Variants in CDH18 observed in about 807,000 individuals in gnomAD.
CDH18 encodes cadherin 18.
CDH18 carries 31 observed loss-of-function variants against 67.9 expected under a neutral mutation model. The observed-to-expected ratio is 0.46, with a 90% CI of 0.34 to 0.62. CDH18 has a LOEUF of 0.62. Among genes scored for constraint, CDH18 ranks in the 20% least tolerant of loss-of-function variants. The pLI, the probability that CDH18 is intolerant of heterozygous loss-of-function variation, is 0.01. For synonymous variants in CDH18, 362 were observed against 347.2 expected, an observed-to-expected ratio of 1.04 and a Z score of -0.48; for missense variants, 890 against 975.5, an observed-to-expected ratio of 0.91 and a Z score of 1.17.
chr5:20,572,870 A>G (rs1758889620), intron 1 of CDH18, among the ~76,000 whole-genome samples: 1 of 152,184 alleles, frequency 6.6e-6, no homozygotes, highest in African/African-American at 2.4e-5. Flanking sequence ...CAATGCAAAC[A>G]ATAGTGAGAA....
chr5:19,640,343 GA>G (rs1451849997), intron 5 of CDH18, among the ~76,000 whole-genome samples: 1 of 152,096 alleles, frequency 6.6e-6, no homozygotes, highest in East Asian at 1.9e-4. Flanking sequence ...TGTGGGTGAG[GA>G]GTAAGTGTAA....
At chr5:20,204,059 C>T (rs1407954479) in intron 2 of CDH18, among the ~76,000 whole-genome samples, 1 of 151,848 alleles carries the variant, frequency 6.6e-6, no homozygotes, top group Admixed American at 6.6e-5. Context: ...GGCAACTGAG[C>T]AATAGTGAGG....
intron 8 of CDH18, among the ~76,000 whole-genome samples, chr5:19,551,756 G>C (rs445021): frequency 0.85 from 130,030 of 152,090 alleles, 55,864 homozygotes; most frequent in Non-Finnish European, 0.91. Flanking sequence ...ACTATAAACA[G>C]AGTGGGTTAT....
intron 11 of CDH18, among the ~76,000 whole-genome samples, chr5:19,496,043 T>C (rs1299646949): frequency 6.6e-6 from 1 of 152,154 alleles, no homozygotes; most frequent in Non-Finnish European, 1.5e-5. Flanking sequence ...GAAAGTTAAA[T>C]TGGAAGTTTA....
chr5:20,159,046 G>A (rs1450881933), intron 2 of CDH18: 1 of 153,374 alleles, frequency 6.5e-6, no homozygotes, highest in Admixed American at 6.6e-5. Flanking sequence ...CATAGATGAT[G>A]TGAATGAAAG....
chr5:19,605,546 T>C (rs1006542174), intron 6 of CDH18, among the ~76,000 whole-genome samples: 2 of 152,006 alleles, frequency 1.3e-5, no homozygotes, highest in Admixed American at 1.3e-4. Flanking sequence ...ATCTTTCTAT[T>C]TAAACTTAAG....
intron 2 of CDH18, among the ~76,000 whole-genome samples, chr5:20,130,776 A>G (rs561622163): frequency 1.3e-5 from 2 of 152,086 alleles, no homozygotes; most frequent in Non-Finnish European, 2.9e-5. Flanking sequence ...TCATATCAAT[A>G]TAAGTAATAT....
At chr5:19,870,201 A>C (rs969186159) in intron 2 of CDH18, among the ~76,000 whole-genome samples, 34 of 152,110 alleles carry the variant, frequency 2.2e-4, no homozygotes, top group African/African-American at 7.5e-4. Flanking sequence ...AGTCAGTTGC[A>C]TAACACTGTG....
rs150237689 is a variant in CDH18 at position 19,825,237 on chromosome 5, T to C, written c.228+13522A>G. Among the ~76,000 whole-genome samples the C allele has an allele frequency of 3.7e-4, 57 of 152,220 alleles. 1 individual carries two copies. In the East Asian group the frequency reaches 0.011, roughly 29 times the overall value. On this transcript the variant is annotated intron_variant, in intron 3 of 12. Coordinates refer to ENST00000382275, the MANE Select transcript of CDH18 (RefSeq NM_004934.5). ...GCAGGGTGGGTGACTCAACCCACCC[T>C]TGCCTCTTGGAGTCAGGCAAGCAAT...
chr5:20,003,770 C>T (rs746062731), intron 2 of CDH18, among the ~76,000 whole-genome samples: 116 of 151,914 alleles, frequency 7.6e-4, no homozygotes, highest in Non-Finnish European at 1.6e-3. Flanking sequence ...TGGTGGCGGG[C>T]GCCTGTAGTC....
intron 3 of CDH18, among the ~76,000 whole-genome samples, chr5:19,831,778 G>T (rs573385386): frequency 2.6e-5 from 4 of 151,924 alleles, no homozygotes; most frequent in South Asian, 4.2e-4. Context: ...AAAATAAATT[G>T]TTCTAACAAA....
At chr5:19,700,537 G>A (rs1321406068) in intron 5 of CDH18, among the ~76,000 whole-genome samples, 1 of 152,008 alleles carries the variant, frequency 6.6e-6, no homozygotes, top group Admixed American at 6.6e-5. Context: ...TTAATTTCTG[G>A]GGTTTTCATG....
At chr5:19,698,633 A>G (rs926812944) in intron 5 of CDH18, among the ~76,000 whole-genome samples, 8 of 152,122 alleles carry the variant, frequency 5.3e-5, no homozygotes. Flanking sequence ...AAATATAAAT[A>G]GGCATGATTT....
At chr5:19,882,728 C>T (rs1415223116) in intron 2 of CDH18, among the ~76,000 whole-genome samples, 1 of 151,974 alleles carries the variant, frequency 6.6e-6, no homozygotes, top group Non-Finnish European at 1.5e-5. Context: ...GAAAATTTTT[C>T]ATTAATATGT....
chr5:19,861,201 T>C (rs573206446), intron 2 of CDH18, among the ~76,000 whole-genome samples: 2 of 152,250 alleles, frequency 1.3e-5, no homozygotes, highest in Admixed American at 1.3e-4. Context: ...TTGCCTCCCA[T>C]TGGACAGAGA....
At chr5:19,666,006 T>C (rs567071598) in intron 5 of CDH18, among the ~76,000 whole-genome samples, 12 of 152,090 alleles carry the variant, frequency 7.9e-5, no homozygotes, top group African/African-American at 2.9e-4. Flanking sequence ...AAGTAGAATG[T>C]AACAATGACA....
intron 2 of CDH18, among the ~76,000 whole-genome samples, chr5:20,181,248 T>C (rs1247228959): frequency 6.6e-6 from 1 of 152,170 alleles, no homozygotes; most frequent in African/African-American, 2.4e-5. Flanking sequence ...TGATTTTCTT[T>C]AATCAATGTG....
chr5:19,674,059 C>T (rs1342043217), intron 5 of CDH18, among the ~76,000 whole-genome samples: 1 of 152,066 alleles, frequency 6.6e-6, no homozygotes, highest in Non-Finnish European at 1.5e-5. Context: ...TTCTAGATTA[C>T]TACCTTCTTT....
In CDH18 at chr5:20,351,191, T is replaced by TGTGTGC. The variant is rs1420969028; in HGVS notation, c.-579-95687_-579-95686insGCACAC. Among the ~76,000 whole-genome samples, 228 of 148,756 alleles carry TGTGTGC rather than the reference T, an allele frequency of 1.5e-3. 1 individual carries two copies. The South Asian group carries it at 0.018, about 12-fold the overall frequency. On this transcript the variant is annotated intron_variant, in intron 1 of 14. Transcript: ENST00000507958. ...GTGTGTGTGTGTGTGTGTGTGTGTG[T>TGTGTGC]GCGTGTGTGTTATTGCTTATTTTGT...
Sources: allele counts gnomAD v4.1 joint callset (sites outside exome capture counted in the v4.1 genomes callset), GRCh38; gene constraint gnomAD v4.1.1; transcripts MANE v1.5; gene names NCBI Gene and HGNC (gene_info 2026-07-23, HGNC 2026-07-21).